Variants in PCDHGB4 observed in about 807,000 individuals in gnomAD.
The protein encoded by PCDHGB4 is protocadherin gamma-B4.
A neutral mutation model predicts 60.5 loss-of-function variants in PCDHGB4; 38 were observed. That is an observed-to-expected ratio of 0.63 (90% confidence interval 0.48 to 0.82). The LOEUF is 0.82. PCDHGB4 is among the 40% of genes least tolerant of loss of function. PCDHGB4 has a pLI of 0.00. For missense variants in PCDHGB4, 1,109 were observed against 1,209.6 expected, an observed-to-expected ratio of 0.92 and a Z score of 1.23; for synonymous variants, 456 against 509.7, an observed-to-expected ratio of 0.89 and a Z score of 1.42.
Position 141,487,265 on chromosome 5 carries a change from G to C in PCDHGB4, c.2398-7542G>C, listed in dbSNP as rs144347539. 6,978 of 1,614,152 alleles carry C rather than the reference G, an allele frequency of 4.3e-3. 28 individuals carry two copies. Among genetic ancestry groups the C allele is most frequent in the Non-Finnish European group, 4.9e-3 (5,770 of 1,180,028 alleles). ...AACCCTCTACTTGGCTGTGTCCCTA[G>C]TGGCAATTTGCTTTGTCTCCTTTGG... On this transcript the variant is annotated intron_variant, in intron 1 of 3. Coordinates refer to ENST00000519479, the MANE Select transcript of PCDHGB4 (RefSeq NM_003736.4). This position sits in a 1 kb window ranked among gnomAD's most constrained non-coding sequence, Gnocchi z 5.0.
chr5:141,503,713 C>T (rs867005984), intron 2 of PCDHGB4, among the ~76,000 whole-genome samples: 6 of 152,134 alleles, frequency 3.9e-5, no homozygotes, highest in Non-Finnish European at 8.8e-5. Context: ...TCCCCTTCAA[C>T]CCTAGCTTTA....
chr5:141,399,796 C>A (rs62621781), intron 1 of PCDHGB4: 1 of 1,613,212 alleles, frequency 6.2e-7, no homozygotes. Context: ...CAACGCACCG[C>A]GGGTGCTGTA....
intron 1 of PCDHGB4, chr5:141,421,454 T>C: frequency 6.2e-7 from 1 of 1,614,132 alleles, no homozygotes; most frequent in Non-Finnish European, 8.5e-7. Flanking sequence ...ACACAGCTTT[T>C]CGCTGTGAAT....
intron 2 of PCDHGB4, among the ~76,000 whole-genome samples, chr5:141,501,288 T>TAC (rs1562199973): frequency 3.7e-5 from 3 of 81,228 alleles, no homozygotes; most frequent in South Asian, 4.2e-4. Context: ...GATATTCCCT[T>TAC]ATACACACAC....
intron 1 of PCDHGB4, chr5:141,428,119 C>T (rs2097112199): frequency 6.2e-7 from 1 of 1,606,512 alleles, no homozygotes; most frequent in Non-Finnish European, 8.5e-7. Context: ...GCCATCGAGC[C>T]CGGGCTTTTC....
chr5:141,455,737 A>T (rs1290390106), intron 1 of PCDHGB4, among the ~76,000 whole-genome samples: 1 of 152,162 alleles, frequency 6.6e-6, no homozygotes, highest in Non-Finnish European at 1.5e-5. Context: ...TTTGCATATC[A>T]AAGGTTGCTG....
intron 1 of PCDHGB4, among the ~76,000 whole-genome samples, chr5:141,474,029 C>T (rs1047673843): frequency 6.6e-6 from 1 of 152,092 alleles, no homozygotes; most frequent in Non-Finnish European, 1.5e-5. Context: ...ATGATTATTC[C>T]ACTGTACTCC....
At chr5:141,423,567 C>T (rs771827702) in intron 1 of PCDHGB4, 4 of 1,613,602 alleles carry the variant, frequency 2.5e-6, no homozygotes, top group Admixed American at 1.7e-5. Flanking sequence ...GGGACACGCT[C>T]ATCAGCCAGG....
At chr5:141,399,237 A>C in intron 1 of PCDHGB4, 1 of 1,614,002 alleles carries the variant, frequency 6.2e-7, no homozygotes, top group Non-Finnish European at 8.5e-7. Flanking sequence ...TACATGACCA[A>C]GATTCTGGGG....
At chr5:141,475,813 T>C in intron 1 of PCDHGB4, 1 of 334,788 alleles carries the variant, frequency 3.0e-6, no homozygotes, top group East Asian at 5.5e-5. Flanking sequence ...GAAAGTGAAG[T>C]TCCTGGCGCT....
In PCDHGB4 at chr5:141,415,239, T is replaced by G. The variant is rs781763142; in HGVS notation, c.2397+24958T>G. The G allele has an allele frequency of 8.1e-6, 13 of 1,614,068 alleles. No individual in the cohort carries two copies. The South Asian group carries it at 1.3e-4, about 16-fold the overall frequency. The stretch of plus-strand genomic sequence containing the variant: ...GCAGCTTCGAGTCTCCAGCTAACTC[T>G]GAAACCTCAGACCTCACTCTGTACC... On this transcript the variant is annotated intron_variant, in intron 1 of 3. Coordinates refer to ENST00000519479, the MANE Select transcript of PCDHGB4 (RefSeq NM_003736.4).
Position 141,489,351 on chromosome 5 carries a change from G to A in PCDHGB4, c.2398-5456G>A, listed in dbSNP as rs2099685862. ...GGCAGCTTCGTTACTCAGTGGTGGAGGAGTCTGAGCCGGGGACGCTGGTGG... is the reference window on the plus strand; with the variant it reads ...GGCAGCTTCGTTACTCAGTGGTGGAAGAGTCTGAGCCGGGGACGCTGGTGG... On this transcript the variant is annotated intron_variant, in intron 1 of 3. Transcript: ENST00000519479. This position sits in a 1 kb window ranked among gnomAD's most constrained non-coding sequence, Gnocchi z 4.5. The A allele has an allele frequency of 6.2e-7, 1 of 1,612,202 alleles. No individual in the cohort carries two copies. The highest frequency in any genetic ancestry group is 1.3e-5 in the African/African-American group (1 of 75,006).
chr5:141,487,857 T>A lies in PCDHGB4; in HGVS notation c.2398-6950T>A. Reference sequence around the variant, plus strand: ...TATCTGAGTAAGAAATGAAAGTAATTGGTGATCAAGAGCCAGGCTGTTGTG... The same window carrying A: ...TATCTGAGTAAGAAATGAAAGTAATAGGTGATCAAGAGCCAGGCTGTTGTG... On this transcript the variant is annotated intron_variant, in intron 1 of 3. Coordinates refer to ENST00000519479, the MANE Select transcript of PCDHGB4 (RefSeq NM_003736.4). The surrounding 1 kb of genome is among the most constrained non-coding windows in gnomAD (Gnocchi z 5.0). The A allele has an allele frequency of 1.0e-6, 1 of 964,674 alleles. No individual in the cohort carries two copies. Among genetic ancestry groups the A allele is most frequent in the Non-Finnish European group, 1.5e-6 (1 of 659,920 alleles). 59.8% of individuals were successfully genotyped at this position (964,674 alleles called of 1,614,324 possible). A position where few individuals can be genotyped will look rare whatever the true frequency, so the allele number is the denominator to read the frequency against.
intron 1 of PCDHGB4, among the ~76,000 whole-genome samples, chr5:141,480,976 T>G (rs1485868136): frequency 6.6e-6 from 1 of 152,108 alleles, no homozygotes; most frequent in Non-Finnish European, 1.5e-5. Context: ...GGAGAATCAG[T>G]GAACCCAGGA....
rs774649069 is a variant in PCDHGB4 at position 141,477,417 on chromosome 5, C to G, written c.2398-17390C>G. The G allele has an allele frequency of 1.2e-6, 2 of 1,614,172 alleles. No individual in the cohort carries two copies. The highest frequency in any genetic ancestry group is 2.7e-5 in the African/African-American group (2 of 75,032). On this transcript the variant is annotated intron_variant, in intron 1 of 3. Coordinates refer to ENST00000519479, the MANE Select transcript of PCDHGB4 (RefSeq NM_003736.4). The surrounding 1 kb of genome is among the most constrained non-coding windows in gnomAD (Gnocchi z 4.9). Reference sequence around the variant, plus strand: ...AGCATCACCGCCCGAGACGCCGGAACCCCTTCCCTCTCAGCCCTTACAATA... The same window carrying G: ...AGCATCACCGCCCGAGACGCCGGAAGCCCTTCCCTCTCAGCCCTTACAATA...
At chr5:141,488,546 G>A (rs2099676755) in intron 1 of PCDHGB4, among the ~76,000 whole-genome samples, 1 of 152,188 alleles carries the variant, frequency 6.6e-6, no homozygotes, top group African/African-American at 2.4e-5. Context: ...TCCCATGTCA[G>A]CTGACATTGA....
At chr5:141,410,191 C>G in intron 1 of PCDHGB4, 2 of 1,613,994 alleles carry the variant, frequency 1.2e-6, no homozygotes, top group Non-Finnish European at 1.7e-6. Context: ...TTCATCTGGT[C>G]TTCGCAGACA....
rs374663576 is a variant in PCDHGB4, at chr5:141,489,905, G to T, written c.2398-4902G>T. On this transcript the variant is annotated intron_variant, in intron 1 of 3. Coordinates refer to ENST00000519479, the MANE Select transcript of PCDHGB4 (RefSeq NM_003736.4). The surrounding 1 kb of genome is among the most constrained non-coding windows in gnomAD (Gnocchi z 4.5). ...GCTGTGGATGGGGGGACCCCAGCCC[G>T]CTCAGGGACCACCCTTATCTCTGTC... The T allele has an allele frequency of 9.7e-5, 156 of 1,614,226 alleles. 3 individuals are homozygous for T. The South Asian group carries it at 1.6e-3, about 16-fold the overall frequency.
At chr5:141,452,912 A>T (rs1301567203) in intron 1 of PCDHGB4, among the ~76,000 whole-genome samples, 1 of 152,228 alleles carries the variant, frequency 6.6e-6, no homozygotes, top group African/African-American at 2.4e-5. Flanking sequence ...GGCATTATAC[A>T]GTAAGAAAGA....
Sources: gnomAD v4.1 joint callset for allele counts (sites outside exome capture counted in the v4.1 genomes callset) on GRCh38, gnomAD v4.1.1 for gene constraint, Gnocchi (gnomAD v3.1) non-coding constraint, MANE v1.5 for transcripts, NCBI Gene and HGNC (gene_info 2026-07-23, HGNC 2026-07-21) for gene names.